The following MDFIC2 variants were observed in gnomAD, a reference collection of about 807,000 sequenced individuals.
The protein encoded by MDFIC2 is myoD family inhibitor domain-containing protein 2.
At chr3:70,204,992 C>A (rs1490472623) in intron 3 of MDFIC2, 1 of 152,142 alleles carries the variant, frequency 6.6e-6, no homozygotes, top group African/African-American at 2.4e-5. Context: ...TACCTGTTTT[C>A]TTGACTGGCA....
chr3:70,296,510 T>TA (rs1204785162), intron 2 of MDFIC2, among the ~76,000 whole-genome samples: 7 of 152,038 alleles, frequency 4.6e-5, no homozygotes, highest in South Asian at 2.1e-4. Flanking sequence ...TAAGATAATT[T>TA]AAAAAAAATC....
intron 2 of MDFIC2, among the ~76,000 whole-genome samples, chr3:70,298,420 T>C (rs570670656): frequency 1.3e-5 from 2 of 152,254 alleles, no homozygotes; most frequent in Admixed American, 6.5e-5. Context: ...TTAATCCTTA[T>C]AATTTGTTTG....
chr3:70,285,515 A>C (rs1483374651), intron 2 of MDFIC2, among the ~76,000 whole-genome samples: 58 of 151,758 alleles, frequency 3.8e-4, no homozygotes, highest in African/African-American at 1.0e-3. Context: ...CCGCAATAAA[A>C]ATACGTGTGC....
intron 2 of MDFIC2, chr3:70,302,637 G>T (rs74963047): frequency 0.038 from 5,814 of 152,172 alleles, 158 homozygotes; most frequent in East Asian, 0.08. Context: ...ATTGGTTCCT[G>T]GTCTCTACAG....
chr3:70,215,835 T>C (rs1247224347), intron 2 of MDFIC2, among the ~76,000 whole-genome samples: 1 of 152,126 alleles, frequency 6.6e-6, no homozygotes, highest in Non-Finnish European at 1.5e-5. Context: ...TGGTTTTCAG[T>C]TGACAATGGA....
At chr3:70,293,753 T>TAGGAAAAATATAACAATGAGTATCTGA in intron 2 of MDFIC2, among the ~76,000 whole-genome samples, 1 of 152,014 alleles carries the variant, frequency 6.6e-6, no homozygotes, top group African/African-American at 2.4e-5. Context: ...TGGATAGTCT[T>TAGGAAAAATATAACAATGAGTATCTGA]AGGAAAAATA....
chr3:70,295,950 T>C (rs1702285829), intron 2 of MDFIC2, among the ~76,000 whole-genome samples: 1 of 152,174 alleles, frequency 6.6e-6, no homozygotes, highest in Non-Finnish European at 1.5e-5. Context: ...AAATTATGTG[T>C]AGAAATAGAA....
chr3:70,199,249 C>T (rs1346695571), intron 3 of MDFIC2, among the ~76,000 whole-genome samples: 9 of 152,080 alleles, frequency 5.9e-5, no homozygotes, highest in Non-Finnish European at 1.0e-4. Context: ...AGGACCTGTT[C>T]GTAAAGTGGT....
At chr3:70,198,117 A>G (rs1248666335) in intron 3 of MDFIC2, among the ~76,000 whole-genome samples, 1 of 152,220 alleles carries the variant, frequency 6.6e-6, no homozygotes, top group East Asian at 1.9e-4. Flanking sequence ...GTAAAAGGGT[A>G]GGTAAGTGTT....
rs114589322 is a variant in MDFIC2, at chr3:70,273,487, C to T, written c.88+38399G>A. Among the ~76,000 whole-genome samples, 876 of 152,238 alleles carry T rather than the reference C, an allele frequency of 5.8e-3. 6 individuals are homozygous for T. Among genetic ancestry groups the T allele is most frequent in the African/African-American group, 0.02 (828 of 41,538 alleles). Reference sequence around the variant, plus strand: ...TCAGGAGATCGTCCAGAAAAATCTTCCCTAAAACAGTAAACTCCAGATAAT... The same window carrying T: ...TCAGGAGATCGTCCAGAAAAATCTTTCCTAAAACAGTAAACTCCAGATAAT... On this transcript the variant is annotated intron_variant, in intron 2 of 3. Coordinates refer to ENST00000567252, the MANE Select transcript of MDFIC2 (RefSeq NM_001364677.1).
At chr3:70,308,792 G>C (rs1702428771) in intron 2 of MDFIC2, among the ~76,000 whole-genome samples, 1 of 152,114 alleles carries the variant, frequency 6.6e-6, no homozygotes, top group Admixed American at 6.6e-5. Flanking sequence ...AATAATAGCA[G>C]TACTCAGAAT....
chr3:70,261,876 T>C (rs1031224401), intron 2 of MDFIC2, among the ~76,000 whole-genome samples: 2 of 152,094 alleles, frequency 1.3e-5, no homozygotes, highest in Non-Finnish European at 2.9e-5. Flanking sequence ...GGGTTTGTTA[T>C]CCAAGAAGAT....
At chr3:70,225,005 C>A (rs1701490305) in intron 2 of MDFIC2, among the ~76,000 whole-genome samples, 1 of 152,048 alleles carries the variant, frequency 6.6e-6, no homozygotes, top group South Asian at 2.1e-4. Flanking sequence ...AATGTTGATA[C>A]GTGTACTCAA....
At chr3:70,205,869 G>A (rs1267030329) in intron 3 of MDFIC2, 2 of 151,898 alleles carry the variant, frequency 1.3e-5, no homozygotes, top group African/African-American at 4.8e-5. Context: ...ATCTTGAATG[G>A]TTTTTCTCCT....
chr3:70,273,600 T>C (rs2106674074), intron 2 of MDFIC2, among the ~76,000 whole-genome samples: 1 of 152,036 alleles, frequency 6.6e-6, no homozygotes, highest in South Asian at 2.1e-4. Flanking sequence ...GCAGGTCTTG[T>C]GTTTGGTTTA....
At chr3:70,286,376 T>C (rs991335128) in intron 2 of MDFIC2, among the ~76,000 whole-genome samples, 4 of 152,080 alleles carry the variant, frequency 2.6e-5, no homozygotes, top group Admixed American at 1.3e-4. Flanking sequence ...TGTAGATATG[T>C]GGCATTATTT....
Position 70,195,741 on chromosome 3 carries a change from C to T in MDFIC2, c.*1185G>A, listed in dbSNP as rs1187481647. ...TAAGATATATCCATGGAAATTAACACAAAGTAATGAGCAATGTATTTGCCC... is the reference window on the plus strand; with the variant it reads ...TAAGATATATCCATGGAAATTAACATAAAGTAATGAGCAATGTATTTGCCC... On this transcript the variant is annotated 3_prime_UTR_variant, in exon 4 of 4. Transcript: ENST00000567252. Among the ~76,000 whole-genome samples the T allele has an allele frequency of 6.6e-6, 1 of 152,058 alleles. No homozygotes were observed. Among genetic ancestry groups the T allele is most frequent in the Non-Finnish European group, 1.5e-5 (1 of 68,010 alleles).
chr3:70,264,863 A>G (rs572774106), intron 2 of MDFIC2, among the ~76,000 whole-genome samples: 2 of 152,174 alleles, frequency 1.3e-5, no homozygotes, highest in African/African-American at 4.8e-5. Context: ...TAATAAAGAC[A>G]TACCATAGAC....
rs1701258506 is a variant in MDFIC2, at chr3:70,203,255, C to T, written c.310+3314G>A. ...TAATATGTTATCACAGAGAATTCAG[C>T]ATCATAATGAGATTCATGACACAAT... On this transcript the variant is annotated intron_variant, in intron 3 of 3. Coordinates refer to ENST00000567252, the MANE Select transcript of MDFIC2 (RefSeq NM_001364677.1). Among the ~76,000 whole-genome samples, 4 of 152,102 alleles carry T rather than the reference C, an allele frequency of 2.6e-5. No individual in the cohort carries two copies. In the South Asian group the frequency reaches 8.3e-4, roughly 32 times the overall value.
Sources: allele counts gnomAD v4.1 joint callset (sites outside exome capture counted in the v4.1 genomes callset), GRCh38; gene constraint gnomAD v4.1.1; transcripts MANE v1.5; gene names NCBI Gene and HGNC (gene_info 2026-07-23, HGNC 2026-07-21).